The following CDK5RAP2 variants were observed in gnomAD, a reference collection of about 807,000 sequenced individuals.
The protein encoded by CDK5RAP2 is CDK5 regulatory subunit-associated protein 2.
Under a neutral mutation model 232.9 loss-of-function variants are expected in CDK5RAP2, and 147 were observed. That is an observed-to-expected ratio of 0.63 (90% CI 0.55 to 0.72). CDK5RAP2 has a LOEUF of 0.72. CDK5RAP2 is among the 30% of genes least tolerant of loss of function. CDK5RAP2 has a pLI of 0.00. For synonymous variants in CDK5RAP2, 833 were observed against 833.7 expected (o/e 1.00, Z 0.01); for missense variants, 2,195 against 2,231.5 (o/e 0.98, Z 0.33).
intron 35 of CDK5RAP2, among the ~76,000 whole-genome samples, chr9:120,397,544 TAAAAAAAA>T (rs760469422): frequency 1.2e-4 from 6 of 49,198 alleles, no homozygotes; most frequent in Non-Finnish European, 2.2e-4. Context: ...AAAACATTCT[TAAAAAAAA>T]AAAAAAAAAA....
chr9:120,423,311 G>T lies in CDK5RAP2; in HGVS notation c.3956-570C>A, dbSNP rs573506141. 2.0e-4 allele frequency among the ~76,000 whole-genome samples: 31 copies of T among 152,196 alleles called. No individual in the cohort carries two copies. The East Asian group carries it at 4.8e-3, about 24-fold the overall frequency. ...TTGCCAGTTCTCTATTTGACACTTA[G>T]GTCATTTGCAAATTTTCACTTTTAT... is the stretch of plus-strand genomic sequence containing the variant. On this transcript the variant is annotated intron_variant, in intron 25 of 37. Transcript: ENST00000349780.
At chr9:120,436,772 A>C (rs1300044377) in intron 25 of CDK5RAP2, among the ~76,000 whole-genome samples, 1 of 152,168 alleles carries the variant, frequency 6.6e-6, no homozygotes, top group Non-Finnish European at 1.5e-5. Flanking sequence ...GTCTCAAAAA[A>C]AAATTATTTT....
chr9:120,487,249 T>C, intron 14 of CDK5RAP2, 45 bp downstream of exon 14: 1 of 1,606,622 alleles, frequency 6.2e-7, no homozygotes, highest in Admixed American at 1.7e-5. Context: ...CAAAAAAGTG[T>C]ATGAATCCAT....
At chr9:120,487,486 T>C (rs2038675942) in intron 13 of CDK5RAP2, 49 bp from the exon 14 acceptor site, 2 of 1,433,836 alleles carry the variant, frequency 1.4e-6, no homozygotes, top group East Asian at 4.8e-5. Flanking sequence ...AGAAAAAAAA[T>C]ATTAAGAAAC....
intron 35 of CDK5RAP2, among the ~76,000 whole-genome samples, chr9:120,397,119 G>T (rs1328774631): frequency 6.6e-6 from 1 of 152,204 alleles, no homozygotes; most frequent in Non-Finnish European, 1.5e-5. Context: ...CTCCCTCCCA[G>T]GAGGCCTCAG....
At chr9:120,497,251 G>C (rs537179039) in intron 12 of CDK5RAP2, among the ~76,000 whole-genome samples, 2 of 130,778 alleles carry the variant, frequency 1.5e-5, no homozygotes, top group South Asian at 4.8e-4. Flanking sequence ...CTAATCTCAA[G>C]TAATCAGGGA....
chr9:120,403,978 A>T lies in CDK5RAP2; in HGVS notation c.5041+58T>A, dbSNP rs144009521. 1,086 of 1,216,158 alleles carry T rather than the reference A, an allele frequency of 8.9e-4. 16 individuals are homozygous for T. In the East Asian group the frequency reaches 0.023, roughly 26 times the overall value. 75.3% of individuals were successfully genotyped at this position (1,216,158 alleles called of 1,614,324 possible). On this transcript the variant is annotated intron_variant, in intron 33 of 37. Transcript: ENST00000349780. The surrounding 1 kb of genome is among the most constrained non-coding windows in gnomAD (Gnocchi z 4.2). ...CAGGGACCCCCCTTTTCTGCAAGTTAAAAAGTCTTACTGTCACATCCAATG... is the reference window on the plus strand; with the variant it reads ...CAGGGACCCCCCTTTTCTGCAAGTTTAAAAGTCTTACTGTCACATCCAATG...
intron 2 of CDK5RAP2, among the ~76,000 whole-genome samples, chr9:120,569,303 C>T (rs1164310305): frequency 1.3e-5 from 2 of 152,008 alleles, no homozygotes; most frequent in East Asian, 1.9e-4. Flanking sequence ...CAAATGCAGC[C>T]GATAGTCTAG....
chr9:120,413,809 A>AGGAGAGG lies in CDK5RAP2; in HGVS notation c.4297+1230_4297+1231insCCTCTCC, dbSNP rs1246269453. ...ATGCAGGAAATGGGCGCAGTGAGCGAGGAGGGAGGAGGGAGGAGGGAGGAG... is the reference window on the plus strand; with the variant it reads ...ATGCAGGAAATGGGCGCAGTGAGCGAGGAGAGGGGAGGGAGGAGGGAGGAGGGAGGAG... On this transcript the variant is annotated intron_variant, in intron 28 of 37. Transcript: ENST00000349780. Among the ~76,000 whole-genome samples, 179 of 109,156 alleles carry AGGAGAGG rather than the reference A, an allele frequency of 1.6e-3. 1 individual carries two copies. The highest frequency in any genetic ancestry group is 7.6e-3 in the East Asian group (22 of 2,900). 71.6% of individuals were successfully genotyped at this position (109,156 alleles called of 152,430 possible). A position where few individuals can be genotyped will look rare whatever the true frequency, so the allele number is the denominator to read the frequency against.
At chr9:120,436,561 C>T (rs570334863) in intron 25 of CDK5RAP2, among the ~76,000 whole-genome samples, 9 of 152,192 alleles carry the variant, frequency 5.9e-5, no homozygotes, top group South Asian at 2.1e-4. Context: ...TGGTTATGCA[C>T]GAGAATTTCC....
chr9:120,471,906 T>C, intron 15 of CDK5RAP2, 28 bp from the exon 16 acceptor site: 1 of 1,613,790 alleles, frequency 6.2e-7, no homozygotes, highest in South Asian at 1.1e-5. Flanking sequence ...CCAGAAGTTT[T>C]AAAACAGACC....
chr9:120,409,407 A>C, intron 29 of CDK5RAP2, 91 bp from the exon 30 acceptor site: 1 of 938,224 alleles, frequency 1.1e-6, no homozygotes, highest in Non-Finnish European at 1.7e-6. Context: ...AATACAAAAA[A>C]GAATGAGATT....
chr9:120,535,933 A>G (rs1383558963), intron 7 of CDK5RAP2, among the ~76,000 whole-genome samples: 1 of 152,176 alleles, frequency 6.6e-6, no homozygotes, highest in Non-Finnish European at 1.5e-5. Context: ...GGGGGCAGTC[A>G]CTCACTGTTC....
At chr9:120,406,686 A>C (rs998188490) in intron 32 of CDK5RAP2, 6 of 351,792 alleles carry the variant, frequency 1.7e-5, no homozygotes, top group African/African-American at 1.2e-4. Context: ...AGGCAGTAAG[A>C]GAAACTAAAA....
chr9:120,423,591 C>T (rs749074258), intron 25 of CDK5RAP2, among the ~76,000 whole-genome samples: 15 of 152,182 alleles, frequency 9.9e-5, no homozygotes, highest in Non-Finnish European at 1.8e-4. Context: ...AAAGGAAGCA[C>T]ATGAGCCTAG....
chr9:120,400,775 G>C lies in CDK5RAP2; in HGVS notation c.5418C>G (p.Pro1806=). 1 of 1,613,958 alleles carries C rather than the reference G, an allele frequency of 6.2e-7. No individual in the cohort carries two copies. Among genetic ancestry groups the C allele is most frequent in the Non-Finnish European group, 8.5e-7 (1 of 1,180,020 alleles). The change falls in exon 35 of 38, where the codon CCC becomes CCG. Residue 1806 remains proline (P), a synonymous_variant. Transcript: ENST00000349780. Reference sequence around the variant, plus strand: ...AGTGAAGGGGGCACTGGCCATCCTCGGGGAGTGAGACTCTCCAGAGAAGCT... The same window carrying C: ...AGTGAAGGGGGCACTGGCCATCCTCCGGGAGTGAGACTCTCCAGAGAAGCT... The part of the protein sequence containing the change: ...RLKLLWRVSL[P]EDGQCPLHCE...
In CDK5RAP2 at chr9:120,528,814, AT is replaced by A. The variant is rs1291339771; in HGVS notation, c.826-18del. On this transcript the variant is annotated intron_variant, in intron 8 of 37. Coordinates refer to ENST00000349780, the MANE Select transcript of CDK5RAP2 (RefSeq NM_018249.6). ...TTGTGCAGCCTAAGAAAAGGCATTA[AT>A]TGGTGTGAAGAAGGGACGTGCAATC... 4 of 1,600,704 alleles carry A rather than the reference AT, an allele frequency of 2.5e-6. No homozygotes were observed. The highest frequency in any genetic ancestry group is 3.4e-6 in the Non-Finnish European group (4 of 1,167,774).
rs1160491236 is a variant in CDK5RAP2, at chr9:120,484,726, AAAAT to A, written c.1626+2564_1626+2567del. Among the ~76,000 whole-genome samples the A allele has an allele frequency of 1.1e-4, 16 of 152,074 alleles. No homozygotes were observed. In the East Asian group the frequency reaches 1.9e-3, roughly 18 times the overall value. On this transcript the variant is annotated intron_variant, in intron 14 of 37. Transcript: ENST00000349780. ...GTAACAGAGCAAGACTCTGTCTCAA[AAAAT>A]AAATAAATAAATAAAGAGACTGGGG...
At position 120,530,006 on chromosome 9, in the gene CDK5RAP2, G is replaced by A; in HGVS notation, c.797C>T (p.Pro266Leu). Residue 266 changes from proline to leucine, a missense_variant, in exon 8 of 38, where the codon CCA becomes CTA. By Grantham distance (98) the Pro-to-Leu change is moderately conservative. Transcript: ENST00000349780. ...SGELRGLCAAPREEKERETEA... is the reference protein window; with the variant it reads ...SGELRGLCAALREEKERETEA... ...AGTTTCTCTCTCCTTTTCTTCCCTTGGAGCAGCACAAAGTCCTCGGAGCTC... is the reference window on the plus strand; with the variant it reads ...AGTTTCTCTCTCCTTTTCTTCCCTTAGAGCAGCACAAAGTCCTCGGAGCTC... 8 of 1,613,844 alleles carry A rather than the reference G, an allele frequency of 5.0e-6. No individual in the cohort carries two copies. The highest frequency in any genetic ancestry group is 6.8e-6 in the Non-Finnish European group (8 of 1,179,892).
Sources: allele counts gnomAD v4.1 joint callset (sites outside exome capture counted in the v4.1 genomes callset), GRCh38; gene constraint gnomAD v4.1.1; non-coding constraint Gnocchi (gnomAD v3.1); transcripts MANE v1.5; gene names NCBI Gene and HGNC (gene_info 2026-07-23, HGNC 2026-07-21).